The following MCC variants were observed in gnomAD, a reference collection of about 807,000 sequenced individuals.
The protein encoded by MCC is MCC regulator of Wnt signaling pathway.
A neutral mutation model predicts 116.2 loss-of-function variants in MCC; 90 were observed. The ratio of observed to expected loss-of-function variants is 0.77; its 90% CI spans 0.65 to 0.92. MCC has a LOEUF of 0.92. Ranked by LOEUF, MCC falls within the 40% of genes least tolerant of loss-of-function variation. The probability of loss-of-function intolerance (pLI) is 0.00; values close to 1 mark genes in which losing one functional copy is unlikely to be tolerated. For missense variants in MCC, 1,516 were observed against 1,312.2 expected, an observed-to-expected ratio of 1.16 and a Z score of -2.40; for synonymous variants, 578 against 510.5, an observed-to-expected ratio of 1.13 and a Z score of -1.78.
chr5:113,279,250 T>C (rs1296699397), intron 3 of MCC, among the ~76,000 whole-genome samples: 1 of 152,154 alleles, frequency 6.6e-6, no homozygotes, highest in Non-Finnish European at 1.5e-5. Flanking sequence ...CCAACCCACA[T>C]AAGCACCAAT....
rs948968186 is a variant in MCC, at chr5:113,434,724, G to A, written c.171-49512C>T. On this transcript the variant is annotated intron_variant, in intron 1 of 18. Transcript: ENST00000408903. This position sits in a 1 kb window ranked among gnomAD's most constrained non-coding sequence, Gnocchi z 4.2. ...CTTCTTGCGGTCGATGATCTTGATCGCCACATTGAACTTCAGGCGCTCAGA... is the reference window on the plus strand; with the variant it reads ...CTTCTTGCGGTCGATGATCTTGATCACCACATTGAACTTCAGGCGCTCAGA... 10 of 1,613,914 alleles carry A rather than the reference G, an allele frequency of 6.2e-6. No homozygotes were observed. Among genetic ancestry groups the A allele is most frequent in the Middle Eastern group, 1.6e-4 (1 of 6,084 alleles).
chr5:113,435,571 C>A (rs538044635), intron 1 of MCC: 2 of 152,296 alleles, frequency 1.3e-5, no homozygotes, highest in African/African-American at 4.8e-5. Context: ...CACAGGTGAC[C>A]CTCAGGAGTG....
At chr5:113,457,588 G>C (rs1771609604) in intron 1 of MCC, among the ~76,000 whole-genome samples, 1 of 152,248 alleles carries the variant, frequency 6.6e-6, no homozygotes, top group Admixed American at 6.5e-5. Flanking sequence ...GGATCCACTG[G>C]GTGAAGCCAG....
At chr5:113,130,924 C>T (rs914760188) in intron 5 of MCC, among the ~76,000 whole-genome samples, 6 of 152,138 alleles carry the variant, frequency 3.9e-5, no homozygotes, top group Admixed American at 6.5e-5. Flanking sequence ...AAGACAGGGC[C>T]CCACTCTTCT....
intron 3 of MCC, among the ~76,000 whole-genome samples, chr5:113,281,122 T>A (rs1360047747): frequency 1.3e-5 from 2 of 152,104 alleles, no homozygotes; most frequent in Non-Finnish European, 2.9e-5. Flanking sequence ...TTCTTGCAAA[T>A]AAAAAAGGTA....
Position 113,283,518 on chromosome 5 carries a change from A to T in MCC, c.627+57001T>A, listed in dbSNP as rs184728034. Among the ~76,000 whole-genome samples the T allele has an allele frequency of 2.0e-5, 3 of 152,326 alleles. No individual in the cohort carries two copies. In the East Asian group the frequency reaches 5.8e-4, roughly 29 times the overall value. On this transcript the variant is annotated intron_variant, in intron 3 of 18. Coordinates refer to ENST00000408903, the MANE Select transcript of MCC (RefSeq NM_001085377.2). ...GATAGCTACAATCAAAAATATAAAA[A>T]TTTTTAAAAAGAAACGGAAAAGAAC...
chr5:113,146,723 T>C (rs981709435), intron 4 of MCC, among the ~76,000 whole-genome samples: 1 of 152,220 alleles, frequency 6.6e-6, no homozygotes, highest in African/African-American at 2.4e-5. Context: ...ACTTGTAAGT[T>C]AGAGACTATT....
At chr5:113,369,360 T>C (rs1768783062) in intron 2 of MCC, among the ~76,000 whole-genome samples, 3 of 152,224 alleles carry the variant, frequency 2.0e-5, no homozygotes, top group Admixed American at 2.0e-4. Flanking sequence ...ATTTTAAGGA[T>C]ATGAAGTGTT....
intron 3 of MCC, among the ~76,000 whole-genome samples, chr5:113,275,901 A>C (rs1003492823): frequency 6.6e-6 from 1 of 152,006 alleles, no homozygotes; most frequent in South Asian, 2.1e-4. Context: ...TAAAAGAGTC[A>C]TAGGTTATTA....
intron 3 of MCC, among the ~76,000 whole-genome samples, chr5:113,280,859 G>C (rs1278688288): frequency 1.3e-5 from 2 of 152,188 alleles, no homozygotes; most frequent in African/African-American, 2.4e-5. Context: ...ACCACCATAA[G>C]AGAGTCCATG....
At chr5:113,154,486 C>T (rs1760062016) in intron 3 of MCC, among the ~76,000 whole-genome samples, 1 of 152,186 alleles carries the variant, frequency 6.6e-6, no homozygotes. Flanking sequence ...GAGTGGACTT[C>T]CCACCACAAG....
At chr5:113,306,737 C>T (rs1047412409) in intron 3 of MCC, among the ~76,000 whole-genome samples, 1 of 152,008 alleles carries the variant, frequency 6.6e-6, no homozygotes, top group African/African-American at 2.4e-5. Context: ...TCCAATTTAT[C>T]TATTTTTTCT....
At chr5:113,125,828 T>G (rs1014050969) in intron 5 of MCC, among the ~76,000 whole-genome samples, 2 of 152,212 alleles carry the variant, frequency 1.3e-5, no homozygotes, top group African/African-American at 4.8e-5. Context: ...GACTTCTGTT[T>G]GTTGTATATA....
Position 113,049,152 on chromosome 5 carries a change from C to G in MCC, c.2596G>C (p.Glu866Gln). The change falls in exon 16 of 19, where the codon GAG becomes CAG. Residue 866 changes from glutamate to glutamine, a missense_variant. By Grantham distance (29) the Glu-to-Gln change is conservative. Transcript: ENST00000408903. ...HLKSEVEEQKEQRMRSLSSTS... is the reference protein window; with the variant it reads ...HLKSEVEEQKQQRMRSLSSTS... ...GAGCTGAGGGATCGCATCCGCTGCT[C>G]CTTCTGCTCCTCCACCTCGGACTTC... 1 of 1,614,220 alleles carries G rather than the reference C, an allele frequency of 6.2e-7. No individual in the cohort carries two copies. Among genetic ancestry groups the G allele is most frequent in the Non-Finnish European group, 8.5e-7 (1 of 1,180,044 alleles).
chr5:113,174,326 T>C (rs1241090313), intron 3 of MCC, among the ~76,000 whole-genome samples: 1 of 152,192 alleles, frequency 6.6e-6, no homozygotes, highest in Non-Finnish European at 1.5e-5. Context: ...GATGGAGTCA[T>C]TGTGAATCGT....
intron 6 of MCC, among the ~76,000 whole-genome samples, chr5:113,112,128 C>A (rs921129615): frequency 6.6e-6 from 1 of 152,236 alleles, no homozygotes; most frequent in Non-Finnish European, 1.5e-5. Flanking sequence ...AAAGTATGGT[C>A]CCAGCTTCCA....
At chr5:113,247,835 G>C (rs138383768) in intron 3 of MCC, among the ~76,000 whole-genome samples, 1 of 152,112 alleles carries the variant, frequency 6.6e-6, no homozygotes, top group Non-Finnish European at 1.5e-5. Context: ...GATGATAGAC[G>C]GCAGCAGGGG....
chr5:113,316,192 G>A (rs1031157343), intron 3 of MCC, among the ~76,000 whole-genome samples: 2 of 151,270 alleles, frequency 1.3e-5, no homozygotes. Flanking sequence ...GGAGGCAGAG[G>A]TTGCAGTGAG....
chr5:113,315,704 C>CAAAA (rs35274366), intron 3 of MCC, among the ~76,000 whole-genome samples: 37 of 64,424 alleles, frequency 5.7e-4, no homozygotes, highest in South Asian at 1.3e-3. Context: ...CCCATCTCTA[C>CAAAA]AAAAAAAAAA....
Sources: gnomAD v4.1 joint callset for allele counts (sites outside exome capture counted in the v4.1 genomes callset) on GRCh38, gnomAD v4.1.1 for gene constraint, Gnocchi (gnomAD v3.1) non-coding constraint, MANE v1.5 for transcripts, NCBI Gene and HGNC (gene_info 2026-07-23, HGNC 2026-07-21) for gene names.